Variants in USP9X observed in about 807,000 individuals in gnomAD.
USP9X encodes ubiquitin carboxyl-terminal hydrolase 9X.
Under a neutral mutation model 190.3 loss-of-function variants are expected in USP9X, and 7 were observed. The ratio of observed to expected loss-of-function variants is 0.04; its 90% CI spans 0.02 to 0.07. USP9X has a LOEUF of 0.07. USP9X is among the 10% of genes least tolerant of loss of function. USP9X has a pLI of 1.00. For synonymous variants in USP9X, 645 were observed against 659.5 expected (o/e 0.98, Z 0.34); for missense variants, 1,010 against 1,916.9 (o/e 0.53, Z 8.83).
intron 20 of USP9X, among the ~76,000 whole-genome samples, chrX:41,171,451 C>T (rs560434739): frequency 1.8e-5 from 2 of 112,180 alleles, no homozygotes; most frequent in Middle Eastern, 9.2e-3. Context: ...TCGCCCCTCC[C>T]GACAGAAATT....
rs1381972115 is a variant in USP9X, at chrX:41,196,429, G to A, written c.4086+70G>A. 16 of 1,132,875 alleles carry A rather than the reference G, an allele frequency of 1.4e-5. No homozygotes were observed. In the South Asian group the frequency reaches 1.7e-4, roughly 12 times the overall value. 93.4% of individuals were successfully genotyped at this position (1,132,875 alleles called of 1,213,427 possible). A position where few individuals can be genotyped will look rare whatever the true frequency, so the allele number is the denominator to read the frequency against. On this transcript the variant is annotated intron_variant, in intron 27 of 44. Transcript: ENST00000378308. ...AGCAAGAAACATTCAGAAATTTGTG[G>A]TTTTAGCTTGCATTAAAGTTAGGAC... is the stretch of plus-strand genomic sequence containing the variant.
chrX:41,225,261 T>A, intron 41 of USP9X, 124 bp downstream of exon 41: 1 of 566,995 alleles, frequency 1.8e-6, no homozygotes, highest in Non-Finnish European at 2.8e-6. Context: ...ATCTTAAACC[T>A]AGGACAAGGG....
At chrX:41,126,852 C>A (rs1388444832) in intron 2 of USP9X, among the ~76,000 whole-genome samples, 2 of 111,367 alleles carry the variant, frequency 1.8e-5, no homozygotes, top group African/African-American at 6.5e-5. Context: ...TTTTTATGTG[C>A]TGGCATAAAG....
chrX:41,123,666 A>G lies in USP9X; in HGVS notation c.38A>G (p.Asn13Ser). ...ACTCGTGGCTCTCCGGTCGGAGGGA[A>G]TGACAACCAGGGCCAGGCTCCTGAT... ...ATTRGSPVGG[N>S]DNQGQAPDGQ... The change falls in exon 2 of 45, where the codon AAT becomes AGT. Residue 13 changes from asparagine to serine, a missense_variant. Around this residue, in one of 11 missense-constraint regions of USP9X, gnomAD observed 176 missense variants for 247.5 expected, o/e 0.71. Coordinates refer to ENST00000378308, the MANE Select transcript of USP9X (RefSeq NM_001039591.3). The G allele has an allele frequency of 1.7e-6, 2 of 1,211,805 alleles. No individual in the cohort carries two copies.
intron 1 of USP9X, among the ~76,000 whole-genome samples, chrX:41,093,123 TC>T (rs2061965930): frequency 8.9e-6 from 1 of 111,833 alleles, no homozygotes; most frequent in South Asian, 3.7e-4. Flanking sequence ...TGTTTTGGCC[TC>T]CCAGTGTTGC....
rs148734196 is a variant in USP9X, at chrX:41,221,451, G to T, written c.6566-1766G>T. Reference sequence around the variant, plus strand: ...ATAGGGAAAATGCAAAGTGCATCACGGGGGGCATGGTACCTGAAGGGATTT... The same window carrying T: ...ATAGGGAAAATGCAAAGTGCATCACTGGGGGCATGGTACCTGAAGGGATTT... On this transcript the variant is annotated intron_variant, in intron 38 of 44. Transcript: ENST00000378308. Among the ~76,000 whole-genome samples the T allele has an allele frequency of 4.5e-5, 5 of 111,373 alleles. No homozygotes were observed. The East Asian group carries it at 1.4e-3, about 31-fold the overall frequency.
chrX:41,225,799 A>G (rs760416020), intron 41 of USP9X, among the ~76,000 whole-genome samples: 1 of 113,037 alleles, frequency 8.8e-6, no homozygotes, highest in Non-Finnish European at 1.9e-5. Context: ...CCTGAACTTA[A>G]GCTTCTCAAT....
rs2063398435 is a variant in USP9X at position 41,236,376 on chromosome X, G to A, written c.*3852G>A. 2 of 111,831 alleles carry A rather than the reference G, an allele frequency of 1.8e-5. No homozygotes were observed. The highest frequency in any genetic ancestry group is 1.9e-4 in the Admixed American group (2 of 10,389). The allele number at this position is 111,831 out of a possible 1,213,427, so 9.2% of individuals were successfully genotyped here. ...GCACTTTCCCTCCAAATTTATAGGTGTAAGAGAAGCGGGGGCAAGGTGCAC... is the reference window on the plus strand; with the variant it reads ...GCACTTTCCCTCCAAATTTATAGGTATAAGAGAAGCGGGGGCAAGGTGCAC... On this transcript the variant is annotated 3_prime_UTR_variant, in exon 45 of 45. Coordinates refer to ENST00000378308, the MANE Select transcript of USP9X (RefSeq NM_001039591.3).
At chrX:41,178,905 G>A (rs1020776192) in intron 21 of USP9X, among the ~76,000 whole-genome samples, 2 of 111,709 alleles carry the variant, frequency 1.8e-5, no homozygotes, top group African/African-American at 6.5e-5. Context: ...AATAATAGGG[G>A]TTTAGTTTCA....
intron 1 of USP9X, 76 bp downstream of exon 1, chrX:41,086,185 A>AG (rs200968361): frequency 3.4e-6 from 1 of 290,617 alleles, no homozygotes; most frequent in Non-Finnish European, 6.0e-6. Context: ...GAGGAGGGCG[A>AG]GGGGGGTGTG....
At chrX:41,140,520 C>A (rs2062413598) in intron 6 of USP9X, 136 bp from the exon 7 acceptor site, 2 of 448,940 alleles carry the variant, frequency 4.5e-6, no homozygotes, top group Non-Finnish European at 7.5e-6. Context: ...GAACAAAATG[C>A]AATGTTTTGT....
At chrX:41,130,038 C>T (rs2062294608) in intron 3 of USP9X, among the ~76,000 whole-genome samples, 1 of 111,333 alleles carries the variant, frequency 9.0e-6, no homozygotes, top group Non-Finnish European at 1.9e-5. Flanking sequence ...CCCTTACATA[C>T]ACATATTCCT....
intron 27 of USP9X, 21 bp from the exon 28 acceptor site, chrX:41,196,571 A>G: frequency 8.3e-7 from 1 of 1,200,834 alleles, no homozygotes; most frequent in Non-Finnish European, 1.1e-6. Context: ...GTAAATTGAT[A>G]TTATTCTACT....
intron 2 of USP9X, among the ~76,000 whole-genome samples, chrX:41,126,559 A>G (rs576230142): frequency 1.2e-4 from 13 of 111,836 alleles, no homozygotes; most frequent in African/African-American, 4.2e-4. Flanking sequence ...TTTAAGGTGT[A>G]CTTGATGATT....
At chrX:41,202,842 T>C (rs2063054962) in intron 31 of USP9X, among the ~76,000 whole-genome samples, 1 of 112,122 alleles carries the variant, frequency 8.9e-6, no homozygotes, top group Non-Finnish European at 1.9e-5. Context: ...ATAGAAAATA[T>C]AACACAATTT....
chrX:41,109,700 A>G (rs1190787869), intron 1 of USP9X, among the ~76,000 whole-genome samples: 1 of 111,934 alleles, frequency 8.9e-6, no homozygotes, highest in Non-Finnish European at 1.9e-5. Context: ...TTAATTGGAC[A>G]TCTTTATTTG....
intron 6 of USP9X, among the ~76,000 whole-genome samples, chrX:41,139,771 T>A (rs187947066): frequency 0.13 from 14,689 of 111,520 alleles, 897 homozygotes; most frequent in East Asian, 0.21. Context: ...ATTTTTTTTT[T>A]AAATAGCTGT....
At chrX:41,184,315 C>A in intron 22 of USP9X, 82 bp from the exon 23 acceptor site, 1 of 1,068,779 alleles carries the variant, frequency 9.4e-7, no homozygotes, top group Non-Finnish European at 1.2e-6. Flanking sequence ...AGTTTCTTGG[C>A]ACTGACAATA....
At chrX:41,139,697 A>G (rs1309340102) in intron 6 of USP9X, among the ~76,000 whole-genome samples, 1 of 112,514 alleles carries the variant, frequency 8.9e-6, no homozygotes, top group African/African-American at 3.2e-5. Context: ...AGCATTAGCT[A>G]TCATATTTTC....
Sources: allele counts gnomAD v4.1 joint callset (sites outside exome capture counted in the v4.1 genomes callset), GRCh38; gene constraint gnomAD v4.1.1; regional missense constraint gnomAD v4.1.1; transcripts MANE v1.5; gene names NCBI Gene and HGNC (gene_info 2026-07-23, HGNC 2026-07-21).